The following SCHIP1 variants were observed in gnomAD, a reference collection of about 807,000 sequenced individuals.
SCHIP1 encodes the protein schwannomin-interacting protein 1.
In SCHIP1, 8 loss-of-function variants were observed where a neutral mutation model predicts 29.7. The observed-to-expected ratio is 0.27, with a 90% CI of 0.16 to 0.49. The LOEUF (loss-of-function observed/expected upper bound fraction) is 0.49. Ranked by LOEUF, SCHIP1 falls within the 20% of genes least tolerant of loss-of-function variation. The probability of loss-of-function intolerance (pLI) is 0.99; values close to 1 mark genes in which losing one functional copy is unlikely to be tolerated. For missense variants in SCHIP1, 193 were observed against 294.6 expected (o/e 0.66, Z 2.52); for synonymous variants, 76 against 94.9 (o/e 0.80, Z 1.16).
the SCHIP1 span, among the ~76,000 whole-genome samples, chr3:159,551,436 C>T: frequency 1.4e-3 from 217 of 152,286 alleles, 1 homozygote; most frequent in African/African-American, 5.0e-3. Context: ...TTTCCTCCCC[C>T]TTTATCACTA....
chr3:159,895,084 G>C (rs1191539242), intron 6 of SCHIP1, among the ~76,000 whole-genome samples: 2 of 152,160 alleles, frequency 1.3e-5, no homozygotes, highest in Non-Finnish European at 2.9e-5. Flanking sequence ...ATCTTGATCT[G>C]GATTTGCTTA....
At chr3:159,830,036 A>G in the SCHIP1 span, among the ~76,000 whole-genome samples, 1 of 152,230 alleles carries the variant, frequency 6.6e-6, no homozygotes, top group African/African-American at 2.4e-5. Flanking sequence ...GACATGTTTA[A>G]TGAAGAATAC....
the SCHIP1 span, among the ~76,000 whole-genome samples, chr3:159,425,508 T>C: frequency 1.2e-4 from 19 of 152,118 alleles, no homozygotes; most frequent in African/African-American, 3.9e-4. Context: ...TAAATATATA[T>C]GCGCCCAACA....
the SCHIP1 span, among the ~76,000 whole-genome samples, chr3:159,282,056 T>C: frequency 6.6e-6 from 1 of 152,124 alleles, no homozygotes; most frequent in Non-Finnish European, 1.5e-5. Flanking sequence ...GAATGAGTAA[T>C]ATGAAATCAC....
the SCHIP1 span, among the ~76,000 whole-genome samples, chr3:159,504,240 G>A: frequency 2.0e-5 from 3 of 152,172 alleles, no homozygotes; most frequent in Non-Finnish European, 4.4e-5. Flanking sequence ...ATTAAGTTCA[G>A]TACTGGAGAT....
At chr3:159,318,562 C>T in the SCHIP1 span, among the ~76,000 whole-genome samples, 286 of 152,268 alleles carry the variant, frequency 1.9e-3, no homozygotes, top group African/African-American at 6.5e-3. Flanking sequence ...GCCTGCATAT[C>T]GTGCAGAACC....
chr3:159,776,033 G>C, the SCHIP1 span, among the ~76,000 whole-genome samples: 33 of 152,304 alleles, frequency 2.2e-4, no homozygotes, highest in African/African-American at 7.7e-4. Context: ...TAAAGAAAGA[G>C]TAGTGTTAAA....
the SCHIP1 span, among the ~76,000 whole-genome samples, chr3:159,793,951 C>A: frequency 2.6e-5 from 4 of 152,278 alleles, no homozygotes; most frequent in African/African-American, 9.6e-5. Context: ...CATCCTGTTT[C>A]CTCTATGACT....
the SCHIP1 span, among the ~76,000 whole-genome samples, chr3:159,285,187 T>C: frequency 3.9e-5 from 6 of 152,176 alleles, no homozygotes; most frequent in African/African-American, 1.4e-4. Context: ...TCCTACATTC[T>C]ACTGATACTT....
the SCHIP1 span, among the ~76,000 whole-genome samples, chr3:159,582,952 A>G: frequency 6.6e-6 from 1 of 152,124 alleles, no homozygotes; most frequent in Non-Finnish European, 1.5e-5. Context: ...ATTTTAATCA[A>G]TAAGCACAAA....
At chr3:159,664,854 T>G in the SCHIP1 span, among the ~76,000 whole-genome samples, 3 of 152,122 alleles carry the variant, frequency 2.0e-5, no homozygotes, top group African/African-American at 7.2e-5. Flanking sequence ...GAACCAGGAG[T>G]GCCAGCACCA....
chr3:159,885,075 G>T (rs1300248575), intron 2 of SCHIP1, among the ~76,000 whole-genome samples: 1 of 152,172 alleles, frequency 6.6e-6, no homozygotes, highest in Non-Finnish European at 1.5e-5. Context: ...TTCAATAAAA[G>T]AATCACTTTA....
chr3:159,696,621 T>C, the SCHIP1 span, among the ~76,000 whole-genome samples: 1 of 152,210 alleles, frequency 6.6e-6, no homozygotes, highest in Admixed American at 6.5e-5. Flanking sequence ...CTTAGACAAG[T>C]TTTCTACTCT....
chr3:159,812,266 C>T, the SCHIP1 span, among the ~76,000 whole-genome samples: 5 of 152,078 alleles, frequency 3.3e-5, no homozygotes, highest in African/African-American at 4.8e-5. Flanking sequence ...CCATCGCGCC[C>T]GGCCTGTAGT....
chr3:159,420,375 GAA>G, the SCHIP1 span, among the ~76,000 whole-genome samples: 2 of 152,168 alleles, frequency 1.3e-5, no homozygotes, highest in African/African-American at 4.8e-5. Context: ...GAAAATACCT[GAA>G]GAGTATTAAA....
the SCHIP1 span, among the ~76,000 whole-genome samples, chr3:159,759,818 G>C: frequency 1.3e-5 from 2 of 152,112 alleles, no homozygotes; most frequent in Non-Finnish European, 2.9e-5. Flanking sequence ...GTTCAGCATC[G>C]GGGCTAATAA....
At chr3:159,818,071 G>A in the SCHIP1 span, among the ~76,000 whole-genome samples, 1 of 152,136 alleles carries the variant, frequency 6.6e-6, no homozygotes. Flanking sequence ...ACAATAATCA[G>A]CCAAGGAGTG....
At chr3:159,615,993 A>T in the SCHIP1 span, among the ~76,000 whole-genome samples, 1 of 152,132 alleles carries the variant, frequency 6.6e-6, no homozygotes, top group Non-Finnish European at 1.5e-5. Context: ...CAGAGAGTCT[A>T]TCTGAGGCCT....
At chr3:159,308,207 G>A in the SCHIP1 span, among the ~76,000 whole-genome samples, 2 of 152,050 alleles carry the variant, frequency 1.3e-5, no homozygotes, top group East Asian at 1.9e-4. Context: ...CAGTCCATGA[G>A]CATGGCATGT....
Sources: gnomAD v4.1 joint callset for allele counts (sites outside exome capture counted in the v4.1 genomes callset) on GRCh38, gnomAD v4.1.1 for gene constraint, MANE v1.5 for transcripts, NCBI Gene and HGNC (gene_info 2026-07-23, HGNC 2026-07-21) for gene names.